ASCC3: variants seen among roughly 807,000 people sequenced by gnomAD.
The protein encoded by ASCC3 is ASC-1 complex subunit P200.
In ASCC3, 158 loss-of-function variants were observed where a neutral mutation model predicts 256.3. That is an observed-to-expected ratio of 0.62 (90% confidence interval 0.54 to 0.70). The LOEUF is 0.70. Among genes scored for constraint, ASCC3 ranks in the 30% least tolerant of loss-of-function variants. The pLI, the probability that ASCC3 is intolerant of heterozygous loss-of-function variation, is 0.00. For synonymous variants in ASCC3, 948 were observed against 883.4 expected, an observed-to-expected ratio of 1.07 and a Z score of -1.30; for missense variants, 2,259 against 2,626.0, an observed-to-expected ratio of 0.86 and a Z score of 3.05.
chr6:100,790,831 G>A (rs1469594441), intron 8 of ASCC3, among the ~76,000 whole-genome samples: 1 of 151,802 alleles, frequency 6.6e-6, no homozygotes, highest in African/African-American at 2.4e-5. Context: ...TTTTTCTGTA[G>A]TTTAGCAGGT....
intron 36 of ASCC3, among the ~76,000 whole-genome samples, chr6:100,563,835 C>T (rs542850470): frequency 3.3e-5 from 5 of 151,828 alleles, no homozygotes; most frequent in Non-Finnish European, 7.4e-5. Context: ...AAATTGATAT[C>T]GATATTAAAA....
intron 8 of ASCC3, among the ~76,000 whole-genome samples, chr6:100,770,121 A>G (rs1781849812): frequency 6.6e-6 from 1 of 151,990 alleles, no homozygotes; most frequent in South Asian, 2.1e-4. Context: ...GCCCCAATAT[A>G]AAAGCCAAAC....
At position 100,597,165 on chromosome 6, in the gene ASCC3, G is replaced by T. The variant is rs1463983781; in HGVS notation, c.5303+4645C>A. Among the ~76,000 whole-genome samples, 6 of 152,034 alleles carry T rather than the reference G, an allele frequency of 3.9e-5. No individual in the cohort carries two copies. In the East Asian group the frequency reaches 1.2e-3, roughly 29 times the overall value. On this transcript the variant is annotated intron_variant, in intron 34 of 41. Transcript: ENST00000369162. ...TATTGTAATCTCCCATCTCCCCCCA[G>T]GCCGCCTTCTGGCTCTCCCAATCTT...
At chr6:100,805,491 T>G (rs901843570) in intron 5 of ASCC3, among the ~76,000 whole-genome samples, 1 of 152,134 alleles carries the variant, frequency 6.6e-6, no homozygotes, top group African/African-American at 2.4e-5. Context: ...CCTGCACGTG[T>G]ACCTCCTATA....
In ASCC3 at chr6:100,709,363, A is replaced by G. The variant is rs116444389; in HGVS notation, c.2151+6099T>C. On this transcript the variant is annotated intron_variant, in intron 13 of 41. Coordinates refer to ENST00000369162, the MANE Select transcript of ASCC3 (RefSeq NM_006828.4). Reference sequence around the variant, plus strand: ...GGAATAACCAATAATAACCAATATCAGCTTAATTTCAAAGGGACAGTGTCA... The same window carrying G: ...GGAATAACCAATAATAACCAATATCGGCTTAATTTCAAAGGGACAGTGTCA... Among the ~76,000 whole-genome samples the G allele has an allele frequency of 4.5e-3, 688 of 152,342 alleles. 1 individual carries two copies. Among genetic ancestry groups the G allele is most frequent in the African/African-American group, 0.016 (666 of 41,596 alleles).
chr6:100,761,991 G>A (rs569879802), intron 10 of ASCC3, among the ~76,000 whole-genome samples: 1 of 152,108 alleles, frequency 6.6e-6, no homozygotes, highest in African/African-American at 2.4e-5. Context: ...GAGTAGATCA[G>A]AGCAGTGTGA....
chr6:100,609,008 C>T (rs762541767), intron 30 of ASCC3, among the ~76,000 whole-genome samples: 37 of 150,306 alleles, frequency 2.5e-4, no homozygotes, highest in South Asian at 4.2e-4. Context: ...GTGATCCGCC[C>T]GTCTCGGCCT....
rs1562180183 is a variant in ASCC3 at position 100,629,003 on chromosome 6, A to C, written c.4375+12T>G. The C allele has an allele frequency of 1.2e-6, 2 of 1,611,104 alleles. No individual in the cohort carries two copies. Among genetic ancestry groups the C allele is most frequent in the Non-Finnish European group, 1.7e-6 (2 of 1,178,672 alleles). On this transcript the variant is annotated intron_variant, in intron 27 of 41. Coordinates refer to ENST00000369162, the MANE Select transcript of ASCC3 (RefSeq NM_006828.4). ...AAGTTTGTAAACTGGCTTTAGATAC[A>C]GTGGTACCTACCAAGCAGATGGATC...
At chr6:100,527,292 T>C (rs1774623312) in intron 37 of ASCC3, among the ~76,000 whole-genome samples, 1 of 152,202 alleles carries the variant, frequency 6.6e-6, no homozygotes, top group Non-Finnish European at 1.5e-5. Flanking sequence ...TCTTGCGCAG[T>C]ACTGTCTATT....
At chr6:100,830,843 C>T (rs772060731) in intron 4 of ASCC3, among the ~76,000 whole-genome samples, 17 of 152,158 alleles carry the variant, frequency 1.1e-4, no homozygotes, top group South Asian at 4.1e-4. Context: ...AAACTAAAAA[C>T]GGGGTTAAAG....
chr6:100,664,198 A>G (rs1776361893), intron 14 of ASCC3, among the ~76,000 whole-genome samples: 1 of 151,760 alleles, frequency 6.6e-6, no homozygotes, highest in African/African-American at 2.4e-5. Flanking sequence ...TCAAAATCTC[A>G]TTATCAATTC....
In ASCC3 at chr6:100,640,071, T is replaced by C. The variant is rs138255870; in HGVS notation, c.3902-1250A>G. 8.3e-4 allele frequency among the ~76,000 whole-genome samples: 126 copies of C among 152,070 alleles called. 1 individual carries two copies. The highest frequency in any genetic ancestry group is 3.4e-3 in the Middle Eastern group (1 of 292). On this transcript the variant is annotated intron_variant, in intron 24 of 41. Transcript: ENST00000369162. ...TGGTGGTTGCAGTGAGCCCAGATCA[T>C]CCCACTTCACTTCAGCCTGGGTGAA...
At chr6:100,772,360 C>T (rs1156567590) in intron 8 of ASCC3, among the ~76,000 whole-genome samples, 1 of 152,136 alleles carries the variant, frequency 6.6e-6, no homozygotes, top group Non-Finnish European at 1.5e-5. Flanking sequence ...AATATGAATG[C>T]TCATAGCAGC....
chr6:100,716,978 T>G (rs569822255), intron 12 of ASCC3, among the ~76,000 whole-genome samples: 50 of 151,658 alleles, frequency 3.3e-4, no homozygotes, highest in Admixed American at 6.6e-4. Flanking sequence ...AAAAATGAAC[T>G]ACATAATCAA....
intron 17 of ASCC3, among the ~76,000 whole-genome samples, chr6:100,654,334 A>G (rs1490142781): frequency 2.6e-5 from 4 of 151,262 alleles, no homozygotes; most frequent in Non-Finnish European, 5.9e-5. Context: ...AGATTTTCTG[A>G]CGTATAAAGG....
chr6:100,805,679 T>C, intron 5 of ASCC3, 81 bp downstream of exon 5: 3 of 1,491,050 alleles, frequency 2.0e-6, no homozygotes, highest in Non-Finnish European at 2.7e-6. Context: ...AAACATATTT[T>C]AAAATGTAAT....
At chr6:100,809,585 T>C (rs942756265) in intron 4 of ASCC3, among the ~76,000 whole-genome samples, 10 of 152,222 alleles carry the variant, frequency 6.6e-5, no homozygotes, top group South Asian at 2.1e-4. Flanking sequence ...TAGTTTCTGG[T>C]ATAGTGAATA....
chr6:100,793,734 AAAGGTTAAGTAACTTGCCT>A (rs1769463819), intron 8 of ASCC3, among the ~76,000 whole-genome samples: 1 of 1,264 alleles, frequency 7.9e-4, no homozygotes, highest in Non-Finnish European at 0.015. Flanking sequence ...TGTGTTGCAG[AAAGGTTAAGTAACTTGCCT>A]AAAGGTTAAG....
intron 36 of ASCC3, among the ~76,000 whole-genome samples, chr6:100,553,935 T>C (rs747379747): frequency 1.1e-4 from 17 of 152,160 alleles, no homozygotes; most frequent in Non-Finnish European, 1.8e-4. Flanking sequence ...TATTACATAA[T>C]GGTTTACTCA....
Sources: allele counts gnomAD v4.1 joint callset (sites outside exome capture counted in the v4.1 genomes callset), GRCh38; gene constraint gnomAD v4.1.1; transcripts MANE v1.5; gene names NCBI Gene and HGNC (gene_info 2026-07-23, HGNC 2026-07-21).